STK39: variants seen among roughly 807,000 people sequenced by gnomAD.
The protein encoded by STK39 is STE20/SPS1-related proline-alanine-rich protein kinase.
In STK39, 20 loss-of-function variants were observed where a neutral mutation model predicts 77.8. The observed-to-expected ratio is 0.26, with a 90% CI of 0.18 to 0.37. The LOEUF is 0.37. Ranked by LOEUF, STK39 falls within the 10% of genes least tolerant of loss-of-function variation. The pLI, the probability that STK39 is intolerant of heterozygous loss-of-function variation, is 1.00. For synonymous variants in STK39, 246 were observed against 234.1 expected, an observed-to-expected ratio of 1.05 and a Z score of -0.47; for missense variants, 479 against 656.5, an observed-to-expected ratio of 0.73 and a Z score of 2.95.
At chr2:168,154,679 T>C (rs1219639768) in intron 5 of STK39, among the ~76,000 whole-genome samples, 1 of 146,678 alleles carries the variant, frequency 6.8e-6, no homozygotes. Flanking sequence ...TTTAAATTTA[T>C]ATAGTTGACT....
At chr2:168,212,136 G>A (rs6743893) in intron 1 of STK39, among the ~76,000 whole-genome samples, 1 of 152,170 alleles carries the variant, frequency 6.6e-6, no homozygotes. Flanking sequence ...AAGAAAGCTT[G>A]AGTCGTAAAT....
chr2:168,173,070 G>A (rs1300038612), intron 2 of STK39, among the ~76,000 whole-genome samples: 1 of 152,168 alleles, frequency 6.6e-6, no homozygotes, highest in African/African-American at 2.4e-5. Context: ...CCCTACTTGC[G>A]AGCTAAGTGC....
intron 14 of STK39, among the ~76,000 whole-genome samples, chr2:168,048,556 G>C (rs931051754): frequency 1.3e-5 from 2 of 151,592 alleles, no homozygotes; most frequent in Non-Finnish European, 2.9e-5. Context: ...TCATGTTCTT[G>C]TCTCTCATGA....
chr2:168,000,251 A>G (rs1215858231), intron 16 of STK39, among the ~76,000 whole-genome samples: 2 of 152,246 alleles, frequency 1.3e-5, no homozygotes, highest in South Asian at 2.1e-4. Flanking sequence ...GCAGAGTTCT[A>G]TATTTCTGAC....
chr2:168,152,433 T>A (rs1471239469), intron 5 of STK39, among the ~76,000 whole-genome samples: 2 of 152,162 alleles, frequency 1.3e-5, no homozygotes, highest in Non-Finnish European at 2.9e-5. Context: ...GCAAGATAGG[T>A]CCTTGGAGAA....
chr2:168,013,793 GGTGTGTGTGTGTGTGT>G lies in STK39; in HGVS notation c.1430-1107_1430-1092del, dbSNP rs4000936. 7.6e-4 allele frequency among the ~76,000 whole-genome samples: 113 copies of G among 147,766 alleles called. No individual in the cohort carries two copies. The Middle Eastern group carries it at 0.01, about 14-fold the overall frequency. ...GATGTGGTGACTATGTAAGTGGGCT[GGTGTGTGTGTGTGTGT>G]GTGTGTGTGTGTGTGTGTGTGTGTG... On this transcript the variant is annotated intron_variant, in intron 15 of 17. Coordinates refer to ENST00000355999, the MANE Select transcript of STK39 (RefSeq NM_013233.3).
intron 1 of STK39, among the ~76,000 whole-genome samples, chr2:168,213,866 T>C (rs1689957249): frequency 6.6e-6 from 1 of 152,156 alleles, no homozygotes; most frequent in African/African-American, 2.4e-5. Context: ...AATGTTCCTT[T>C]CAATATGGTT....
intron 15 of STK39, among the ~76,000 whole-genome samples, chr2:168,013,653 G>A (rs1297312155): frequency 6.6e-6 from 1 of 152,140 alleles, no homozygotes; most frequent in Admixed American, 6.6e-5. Context: ...CAAAGTCAGG[G>A]GGCACCTGAA....
intron 16 of STK39, among the ~76,000 whole-genome samples, chr2:167,997,790 C>T (rs1012546082): frequency 4.6e-5 from 7 of 152,210 alleles, no homozygotes; most frequent in African/African-American, 9.6e-5. Context: ...AACATTCATC[C>T]ATAACCAACC....
chr2:168,051,992 CT>C (rs765347150), intron 14 of STK39, among the ~76,000 whole-genome samples: 1,728 of 140,546 alleles, frequency 0.012, 4 homozygotes, highest in Non-Finnish European at 0.016. Context: ...ATGAGGAAGA[CT>C]TTTTTTTTTT....
intron 12 of STK39, among the ~76,000 whole-genome samples, chr2:168,066,051 T>G (rs1310746794): frequency 6.6e-6 from 1 of 150,594 alleles, no homozygotes; most frequent in Admixed American, 6.7e-5. Context: ...AAAAAAAACC[T>G]CAAAGAGAAA....
chr2:167,993,823 T>A lies in STK39; in HGVS notation c.1498+18811A>T, dbSNP rs191227532. ...ACACCGTATGGTTTTCTGGTAGGCATTGACTGCATTCATATAAAAACATAC... is the reference window on the plus strand; with the variant it reads ...ACACCGTATGGTTTTCTGGTAGGCAATGACTGCATTCATATAAAAACATAC... On this transcript the variant is annotated intron_variant, in intron 16 of 17. Transcript: ENST00000355999. 2.7e-3 allele frequency among the ~76,000 whole-genome samples: 412 copies of A among 152,142 alleles called. 2 individuals are homozygous for A. Among genetic ancestry groups the A allele is most frequent in the African/African-American group, 9.3e-3 (386 of 41,458 alleles).
At chr2:167,956,688 A>ACC (rs1691780152) in intron 17 of STK39, among the ~76,000 whole-genome samples, 1 of 46,242 alleles carries the variant, frequency 2.2e-5, no homozygotes, top group Admixed American at 2.1e-4. Flanking sequence ...ACACACACAC[A>ACC]CACACACACT....
At chr2:168,078,103 T>C (rs1197744584) in intron 10 of STK39, among the ~76,000 whole-genome samples, 1 of 152,194 alleles carries the variant, frequency 6.6e-6, no homozygotes, top group Non-Finnish European at 1.5e-5. Context: ...TTTTAAAAAA[T>C]CCATTGCTTC....
At chr2:168,241,295 C>T (rs1389972349) in intron 1 of STK39, among the ~76,000 whole-genome samples, 1 of 152,200 alleles carries the variant, frequency 6.6e-6, no homozygotes, top group East Asian at 1.9e-4. Context: ...ACACAGGGAG[C>T]GTTTCTTTTA....
At chr2:168,139,496 T>C (rs1687925405) in intron 7 of STK39, among the ~76,000 whole-genome samples, 2 of 151,764 alleles carry the variant, frequency 1.3e-5, no homozygotes, top group South Asian at 4.1e-4. Flanking sequence ...GATGATTGTT[T>C]TTCTTCTTTA....
chr2:168,088,715 C>T (rs1686435883), intron 10 of STK39, among the ~76,000 whole-genome samples: 1 of 152,146 alleles, frequency 6.6e-6, no homozygotes, highest in African/African-American at 2.4e-5. Flanking sequence ...GAGAGGCACA[C>T]ATACACATTT....
intron 1 of STK39, among the ~76,000 whole-genome samples, chr2:168,194,108 C>T (rs764191107): frequency 1.6e-4 from 24 of 152,108 alleles, no homozygotes; most frequent in Non-Finnish European, 2.2e-4. Context: ...GTATGTGTAT[C>T]GGGCTATTCA....
chr2:167,955,385 T>C lies in STK39; in HGVS notation c.*111A>G. On this transcript the variant is annotated 3_prime_UTR_variant, in exon 18 of 18. Transcript: ENST00000355999. ...CCTCTTCACAATCTTCTGATTTTGC[T>C]AGGAAATGGGAGTGAGGGGGTGGGA... The C allele has an allele frequency of 9.7e-7, 1 of 1,028,460 alleles. No homozygotes were observed. Among genetic ancestry groups the C allele is most frequent in the East Asian group, 2.5e-5 (1 of 39,306 alleles). 63.7% of individuals were successfully genotyped at this position (1,028,460 alleles called of 1,614,324 possible). A position where few individuals can be genotyped will look rare whatever the true frequency, so the allele number is the denominator to read the frequency against.
Sources: gnomAD v4.1 joint callset for allele counts (sites outside exome capture counted in the v4.1 genomes callset) on GRCh38, gnomAD v4.1.1 for gene constraint, MANE v1.5 for transcripts, NCBI Gene and HGNC (gene_info 2026-07-23, HGNC 2026-07-21) for gene names.